Variants in HAO1 observed in about 807,000 individuals in gnomAD.
The protein encoded by HAO1 is 2-Hydroxyacid oxidase 1.
In HAO1, 34 loss-of-function variants were observed where a neutral mutation model predicts 39.7. That is an observed-to-expected ratio of 0.86 (90% confidence interval 0.65 to 1.14). The LOEUF is 1.14. Ranked by LOEUF, HAO1 falls within the 50% of genes most tolerant of loss-of-function variation. The probability of loss-of-function intolerance (pLI) is 0.00; values close to 1 mark genes in which losing one functional copy is unlikely to be tolerated. For missense variants in HAO1, 479 were observed against 464.5 expected (o/e 1.03, Z -0.29); for synonymous variants, 172 against 173.2 (o/e 0.99, Z 0.05).
chr20:7,906,387 G>T, intron 3 of HAO1, 58 bp from the exon 4 acceptor site: 1 of 928,464 alleles, frequency 1.1e-6, no homozygotes. Context: ...CGTTTCCAAT[G>T]ATTCATTCAA....
chr20:7,902,546 G>T (rs564465021), intron 4 of HAO1, among the ~76,000 whole-genome samples: 1 of 152,178 alleles, frequency 6.6e-6, no homozygotes, highest in Non-Finnish European at 1.5e-5. Flanking sequence ...ACTTTCATAT[G>T]CACTGGGAAG....
chr20:7,936,503 CGTGTGTGTGTGTGT>C lies in HAO1; in HGVS notation c.138-1882_138-1869del, dbSNP rs71183082. On this transcript the variant is annotated intron_variant, in intron 1 of 7. Transcript: ENST00000378789. ...ACAAGCAAATCTGCAGGGCAGCAGCCGTGTGTGTGTGTGTGTGTGTGTGTGTGTGTGTGTGTGTG... is the reference window on the plus strand; with the variant it reads ...ACAAGCAAATCTGCAGGGCAGCAGCCGTGTGTGTGTGTGTGTGTGTGTGTG... 6.4e-5 allele frequency among the ~76,000 whole-genome samples: 7 copies of C among 109,142 alleles called. No individual in the cohort carries two copies. The South Asian group carries it at 9.2e-4, about 14-fold the overall frequency. 71.6% of individuals were successfully genotyped at this position (109,142 alleles called of 152,430 possible).
intron 2 of HAO1, among the ~76,000 whole-genome samples, chr20:7,933,773 C>T (rs2050397267): frequency 6.6e-6 from 1 of 152,132 alleles, no homozygotes; most frequent in Admixed American, 6.5e-5. Flanking sequence ...ATTTTTTACT[C>T]TGCACAGCCT....
intron 4 of HAO1, among the ~76,000 whole-genome samples, chr20:7,903,588 ATGGCGC>A (rs2050231852): frequency 6.8e-6 from 1 of 146,504 alleles, no homozygotes; most frequent in Admixed American, 6.8e-5. Context: ...GGTTGTGGTT[ATGGCGC>A]TGGTGGTGGT....
intron 2 of HAO1, among the ~76,000 whole-genome samples, chr20:7,920,346 A>G (rs561217196): frequency 8.5e-4 from 130 of 152,236 alleles, no homozygotes; most frequent in Admixed American, 4.0e-3. Context: ...TTTTCTTTAT[A>G]AATTACTTAG....
At chr20:7,911,839 T>G (rs1277915351) in intron 3 of HAO1, among the ~76,000 whole-genome samples, 1 of 152,246 alleles carries the variant, frequency 6.6e-6, no homozygotes, top group Non-Finnish European at 1.5e-5. Context: ...TCAGGTCAGT[T>G]GCAGAAAGAA....
At chr20:7,933,432 A>G (rs1209487081) in intron 2 of HAO1, among the ~76,000 whole-genome samples, 2 of 152,024 alleles carry the variant, frequency 1.3e-5, no homozygotes, top group Non-Finnish European at 2.9e-5. Context: ...TTACCCATTT[A>G]GTATTTCCCT....
intron 2 of HAO1, among the ~76,000 whole-genome samples, chr20:7,921,918 C>CA (rs2050334940): frequency 6.6e-6 from 1 of 151,616 alleles, no homozygotes; most frequent in Non-Finnish European, 1.5e-5. Flanking sequence ...TACACATGGT[C>CA]AAAAAAATGG....
intron 1 of HAO1, among the ~76,000 whole-genome samples, chr20:7,939,562 G>A (rs1464130124): frequency 6.6e-6 from 1 of 152,080 alleles, no homozygotes. Context: ...GTGTAGTGTA[G>A]TGAAGGCACT....
chr20:7,914,910 G>A (rs2050299576), intron 2 of HAO1, among the ~76,000 whole-genome samples: 1 of 152,158 alleles, frequency 6.6e-6, no homozygotes, highest in South Asian at 2.1e-4. Context: ...CCTGAGGTCA[G>A]GAGTTCGAGA....
chr20:7,900,409 C>A (rs1004191139), intron 4 of HAO1, among the ~76,000 whole-genome samples: 1 of 152,070 alleles, frequency 6.6e-6, no homozygotes, highest in African/African-American at 2.4e-5. Context: ...GTGGCAACCC[C>A]GCATCAAGCA....
intron 4 of HAO1, among the ~76,000 whole-genome samples, chr20:7,899,441 T>G (rs2122760818): frequency 6.6e-6 from 1 of 152,266 alleles, no homozygotes; most frequent in South Asian, 2.1e-4. Context: ...GTTTGGCAAC[T>G]CTATTTGGGT....
chr20:7,895,906 A>G (rs1221824355), intron 4 of HAO1, among the ~76,000 whole-genome samples: 2 of 151,784 alleles, frequency 1.3e-5, no homozygotes, highest in Non-Finnish European at 2.9e-5. Flanking sequence ...AAACAAAAAC[A>G]AAAACAAAAT....
intron 5 of HAO1, among the ~76,000 whole-genome samples, chr20:7,891,395 TG>T (rs1323307454): frequency 1.3e-5 from 2 of 152,204 alleles, no homozygotes; most frequent in African/African-American, 2.4e-5. Flanking sequence ...TCAGATTGTT[TG>T]TTTTTTTTCT....
At chr20:7,903,035 C>T (rs760063744) in intron 4 of HAO1, among the ~76,000 whole-genome samples, 2 of 152,198 alleles carry the variant, frequency 1.3e-5, no homozygotes, top group Non-Finnish European at 2.9e-5. Context: ...ATGGGTGACT[C>T]TCAGTCAATC....
chr20:7,914,093 G>C, intron 3 of HAO1, 71 bp downstream of exon 3: 2 of 1,548,618 alleles, frequency 1.3e-6, no homozygotes, highest in East Asian at 4.5e-5. Flanking sequence ...GCTATCAGTA[G>C]AACCCAGACC....
At chr20:7,910,925 C>T (rs563439389) in intron 3 of HAO1, among the ~76,000 whole-genome samples, 1 of 152,202 alleles carries the variant, frequency 6.6e-6, no homozygotes, top group South Asian at 2.1e-4. Flanking sequence ...GCATCTCTAC[C>T]ATCAATTTTT....
rs1446346285 is a variant in HAO1, at chr20:7,906,056, T to C, written c.721+98A>G. 6 of 835,530 alleles carry C rather than the reference T, an allele frequency of 7.2e-6. No homozygotes were observed. The East Asian group carries it at 1.5e-4, about 20-fold the overall frequency. 51.8% of individuals were successfully genotyped at this position (835,530 alleles called of 1,614,324 possible). A position where few individuals can be genotyped will look rare whatever the true frequency, so the allele number is the denominator to read the frequency against. On this transcript the variant is annotated intron_variant, in intron 4 of 7. Coordinates refer to ENST00000378789, the MANE Select transcript of HAO1 (RefSeq NM_017545.3). ...GTTGGAATGTCTCTCTCAATTTCCA[T>C]GTTAATTTTTCCTTGTTATTTTCCT...
At chr20:7,895,745 C>T (rs1464376219) in intron 4 of HAO1, among the ~76,000 whole-genome samples, 1 of 152,042 alleles carries the variant, frequency 6.6e-6, no homozygotes, top group Admixed American at 6.6e-5. Flanking sequence ...TATGTTTGCT[C>T]ATTGAAATGT....
Sources: gnomAD v4.1 joint callset for allele counts (sites outside exome capture counted in the v4.1 genomes callset) on GRCh38, gnomAD v4.1.1 for gene constraint, MANE v1.5 for transcripts, NCBI Gene and HGNC (gene_info 2026-07-23, HGNC 2026-07-21) for gene names.